MYH11: variants seen among roughly 807,000 people sequenced by gnomAD.
MYH11 encodes myosin-11.
A neutral mutation model predicts 246.6 loss-of-function variants in MYH11; 80 were observed. The ratio of observed to expected loss-of-function variants is 0.32; its 90% CI spans 0.27 to 0.39. MYH11 has a LOEUF of 0.39. Among genes scored for constraint, MYH11 ranks in the 10% least tolerant of loss-of-function variants. The pLI is 1.00. For missense variants in MYH11, 2,158 were observed against 2,546.8 expected (o/e 0.85, Z 3.29); for synonymous variants, 1,071 against 1,015.5 (o/e 1.05, Z -1.04).
chr16:15,831,033 G>A (rs779374856), intron 2 of MYH11, among the ~76,000 whole-genome samples: 5 of 152,170 alleles, frequency 3.3e-5, no homozygotes, highest in African/African-American at 4.8e-5. Flanking sequence ...TCAGCTGGGT[G>A]TGGTAGTACA....
At chr16:15,738,502 G>C (rs1294343749) in intron 24 of MYH11, 63 bp downstream of exon 24, 33 of 1,483,270 alleles carry the variant, frequency 2.2e-5, no homozygotes, top group Non-Finnish European at 3.0e-5. Context: ...AACAGAGCAA[G>C]ACCTCATCTC....
chr16:15,763,754 C>CCACCCCCA, intron 10 of MYH11, 42 bp downstream of exon 10: 1 of 854,256 alleles, frequency 1.2e-6, no homozygotes, highest in South Asian at 1.3e-5. Flanking sequence ...CCCACCCCCC[C>CCACCCCCA]AACCCCAAAG....
At chr16:15,729,065 GC>G (rs2040882661) in intron 27 of MYH11, among the ~76,000 whole-genome samples, 1 of 151,970 alleles carries the variant, frequency 6.6e-6, no homozygotes, top group Non-Finnish European at 1.5e-5. Flanking sequence ...AGCCCTGGAT[GC>G]CCGTCCTCCC....
chr16:15,784,431 C>T (rs1219158755), intron 5 of MYH11, among the ~76,000 whole-genome samples: 4 of 152,116 alleles, frequency 2.6e-5, no homozygotes, highest in East Asian at 3.9e-4. Flanking sequence ...CATTCTGAAC[C>T]GGAGAAATCC....
At chr16:15,788,036 C>T (rs1403190392) in intron 4 of MYH11, among the ~76,000 whole-genome samples, 1 of 137,004 alleles carries the variant, frequency 7.3e-6, no homozygotes, top group Non-Finnish European at 1.5e-5. Context: ...CATGGTTTGT[C>T]GTATCAAAAA....
At chr16:15,726,089 G>A (rs1030960860) in intron 28 of MYH11, 1 of 178,744 alleles carries the variant, frequency 5.6e-6, no homozygotes, top group African/African-American at 2.4e-5. Context: ...ATGCTCCTTA[G>A]GGAAGCCTTT....
At chr16:15,718,851 G>C (rs1465960421) in intron 36 of MYH11, 2 of 406,938 alleles carry the variant, frequency 4.9e-6, no homozygotes, top group Non-Finnish European at 9.2e-6. Flanking sequence ...TCCAGGGCCA[G>C]GCACGGTGGC....
intron 2 of MYH11, among the ~76,000 whole-genome samples, chr16:15,828,872 A>G (rs575969416): frequency 2.6e-4 from 39 of 151,740 alleles, no homozygotes; most frequent in African/African-American, 9.2e-4. Flanking sequence ...AAAAGAAAAG[A>G]ATAAAAGGAA....
chr16:15,795,259 C>T (rs909750659), intron 4 of MYH11, among the ~76,000 whole-genome samples: 1 of 151,626 alleles, frequency 6.6e-6, no homozygotes, highest in African/African-American at 2.4e-5. Flanking sequence ...CACCACTGCA[C>T]TCCAGCCTGG....
chr16:15,817,674 C>T lies in MYH11; in HGVS notation c.502+5581G>A, dbSNP rs144870529. ...TTGTGAAGTATCTCTTAGAAAGTCC[C>T]TCCCATTTTCCCAACTCCTGTGAGG... is the stretch of plus-strand genomic sequence containing the variant. On this transcript the variant is annotated intron_variant, in intron 3 of 40. Transcript: ENST00000300036. Among the ~76,000 whole-genome samples the T allele has an allele frequency of 6.8e-3, 1,042 of 152,258 alleles. 4 individuals carry two copies. The highest frequency in any genetic ancestry group is 0.022 in the African/African-American group (913 of 41,534).
intron 10 of MYH11, among the ~76,000 whole-genome samples, chr16:15,762,873 T>C (rs1374853728): frequency 6.6e-6 from 1 of 152,162 alleles, no homozygotes; most frequent in Admixed American, 6.5e-5. Flanking sequence ...TTGATCAAGG[T>C]GGGCTCTAGG....
rs1050723017 is a variant in MYH11, at chr16:15,845,969, C to T, written c.-17-7700G>A. Among the ~76,000 whole-genome samples, 27 of 151,992 alleles carry T rather than the reference C, an allele frequency of 1.8e-4. 1 individual carries two copies. The highest frequency in any genetic ancestry group is 4.6e-4 in the Admixed American group (7 of 15,244). ...TAAAAATTAGCCAGGATTGGTGGTA[C>T]GTGCCTGTAGCCCCAGCTACTTGGG... On this transcript the variant is annotated intron_variant, in intron 1 of 40. Coordinates refer to ENST00000300036, the MANE Select transcript of MYH11 (RefSeq NM_002474.3).
chr16:15,753,317 G>A (rs2041623061), intron 15 of MYH11, 77 bp downstream of exon 15: 2 of 1,290,328 alleles, frequency 1.5e-6, no homozygotes, highest in Non-Finnish European at 2.2e-6. Context: ...CCTGGGGCAG[G>A]TGTGAGAGTC....
At chr16:15,757,525 A>AAG (rs2041758462) in intron 13 of MYH11, among the ~76,000 whole-genome samples, 1 of 150,094 alleles carries the variant, frequency 6.7e-6, no homozygotes, top group African/African-American at 2.4e-5. Flanking sequence ...AAAAAAAAAA[A>AAG]AAAAAAAAGC....
chr16:15,763,741 T>TCGCC, intron 10 of MYH11, 55 bp downstream of exon 10: 30 of 646,838 alleles, frequency 4.6e-5, no homozygotes, highest in Middle Eastern at 2.6e-4. Context: ...AAATGTCACC[T>TCGCC]CCCCCACCCC....
At chr16:15,765,217 T>TG (rs1167913308) in intron 9 of MYH11, among the ~76,000 whole-genome samples, 1 of 143,320 alleles carries the variant, frequency 7.0e-6, no homozygotes, top group Non-Finnish European at 1.6e-5. Context: ...GATGGATGGG[T>TG]GGGTAGATGA....
At chr16:15,776,999 C>G (rs2042236041) in intron 7 of MYH11, among the ~76,000 whole-genome samples, 1 of 152,042 alleles carries the variant, frequency 6.6e-6, no homozygotes, top group Admixed American at 6.6e-5. Flanking sequence ...TCTTCAAGTC[C>G]TAAAGCCAGC....
intron 38 of MYH11, 137 bp from the exon 39 acceptor site, chr16:15,715,409 G>T: frequency 1.3e-6 from 1 of 773,268 alleles, no homozygotes; most frequent in Non-Finnish European, 2.3e-6. Flanking sequence ...GTCAGATGGT[G>T]GAATAGTATT....
chr16:15,741,954 A>G, intron 20 of MYH11, 63 bp from the exon 21 acceptor site: 2 of 1,605,394 alleles, frequency 1.2e-6, no homozygotes, highest in Non-Finnish European at 1.7e-6. Context: ...GTCATAATAA[A>G]TTCGATCAGT....
Sources: allele counts gnomAD v4.1 joint callset (sites outside exome capture counted in the v4.1 genomes callset), GRCh38; gene constraint gnomAD v4.1.1; transcripts MANE v1.5; gene names NCBI Gene and HGNC (gene_info 2026-07-23, HGNC 2026-07-21).